RBFOX1: variants seen among roughly 807,000 people sequenced by gnomAD.
RBFOX1 encodes RNA binding fox-1 homolog 1.
Under a neutral mutation model 57.7 loss-of-function variants are expected in RBFOX1, and 8 were observed. The observed-to-expected ratio is 0.14, with a 90% CI of 0.08 to 0.25. The LOEUF (loss-of-function observed/expected upper bound fraction) is 0.25, where lower values mean the gene tolerates loss of function less well. RBFOX1 is among the 10% of genes least tolerant of loss of function. The pLI is 1.00. For synonymous variants in RBFOX1, 326 were observed against 222.4 expected (o/e 1.47, Z -4.15); for missense variants, 611 against 548.5 (o/e 1.11, Z -1.14).
chr16:5,837,318 A>C (rs2056492069), intron 3 of RBFOX1, among the ~76,000 whole-genome samples: 1 of 151,648 alleles, frequency 6.6e-6, no homozygotes. Context: ...ATACAGCCCC[A>C]AGGGTCCTAG....
chr16:5,556,743 G>A (rs186817691), intron 2 of RBFOX1, among the ~76,000 whole-genome samples: 104 of 152,256 alleles, frequency 6.8e-4, no homozygotes, highest in African/African-American at 2.4e-3. Context: ...TGCATGACAT[G>A]TCCCCATGGA....
At chr16:6,248,388 C>T (rs2097581887) in intron 1 of RBFOX1, among the ~76,000 whole-genome samples, 1 of 152,090 alleles carries the variant, frequency 6.6e-6, no homozygotes, top group African/African-American at 2.4e-5. Context: ...TGTATATACT[C>T]TTTGGACAGT....
chr16:6,242,378 T>A (rs76893792), intron 1 of RBFOX1, among the ~76,000 whole-genome samples: 17,125 of 151,974 alleles, frequency 0.11, 1,050 homozygotes, highest in Middle Eastern at 0.25. Flanking sequence ...TTCTTTTTTT[T>A]AAAAAAAGTC....
intron 1 of RBFOX1, among the ~76,000 whole-genome samples, chr16:5,434,481 C>G (rs981812640): frequency 1.3e-5 from 2 of 151,686 alleles, no homozygotes; most frequent in Non-Finnish European, 2.9e-5. Flanking sequence ...ACCACCATGC[C>G]CAGCTAATTT....
intron 4 of RBFOX1, among the ~76,000 whole-genome samples, chr16:7,307,141 A>T (rs1304187069): frequency 2.6e-5 from 4 of 152,190 alleles, no homozygotes; most frequent in African/African-American, 9.6e-5. Flanking sequence ...ATCAACCCAC[A>T]TTGATCTTAT....
chr16:7,464,842 G>T (rs9938528), intron 4 of RBFOX1, among the ~76,000 whole-genome samples: 2 of 150,920 alleles, frequency 1.3e-5, no homozygotes, highest in Non-Finnish European at 3.0e-5. Flanking sequence ...GACTGCAGGC[G>T]CCCGCCACCA....
intron 1 of RBFOX1, chr16:6,037,905 AT>A (rs1223424986): frequency 2.0e-5 from 3 of 152,000 alleles, no homozygotes; most frequent in Non-Finnish European, 4.4e-5. Flanking sequence ...TGTAGAATGC[AT>A]TTCAATGTGC....
At chr16:7,667,902 G>C (rs971368128) in intron 13 of RBFOX1, among the ~76,000 whole-genome samples, 2 of 152,110 alleles carry the variant, frequency 1.3e-5, no homozygotes, top group African/African-American at 4.8e-5. Flanking sequence ...TGGAACTCCT[G>C]ACCTCAAGTG....
chr16:6,777,915 G>C lies in RBFOX1; in HGVS notation c.-16+123265G>C, dbSNP rs7500688. ...CATCCATATTGAAATGACTTTTTCTGAGCTTTCCAAAATTCCAATTTCAGT... is the reference window on the plus strand; with the variant it reads ...CATCCATATTGAAATGACTTTTTCTCAGCTTTCCAAAATTCCAATTTCAGT... On this transcript the variant is annotated intron_variant, in intron 3 of 15. Transcript: ENST00000550418. Among the ~76,000 whole-genome samples the C allele has an allele frequency of 4.0e-3, 602 of 152,194 alleles. 21 individuals carry two copies. The East Asian group carries it at 0.092, about 23-fold the overall frequency.
chr16:7,059,017 T>A (rs1482011897), intron 4 of RBFOX1, among the ~76,000 whole-genome samples: 1 of 152,176 alleles, frequency 6.6e-6, no homozygotes, highest in Non-Finnish European at 1.5e-5. Flanking sequence ...AATATTTAAT[T>A]TGCCAGTTAC....
intron 3 of RBFOX1, among the ~76,000 whole-genome samples, chr16:5,839,347 C>T (rs2056554340): frequency 6.6e-6 from 1 of 152,110 alleles, no homozygotes; most frequent in Non-Finnish European, 1.5e-5. Flanking sequence ...CTGATAGTTT[C>T]ATTTGGGACC....
chr16:6,079,457 G>A (rs1318863578), intron 1 of RBFOX1, among the ~76,000 whole-genome samples: 1 of 152,186 alleles, frequency 6.6e-6, no homozygotes, highest in Admixed American at 6.5e-5. Flanking sequence ...GACCACATGT[G>A]TGTGCCACCA....
At chr16:6,900,150 G>GGTA (rs2068089334) in intron 3 of RBFOX1, among the ~76,000 whole-genome samples, 1 of 152,148 alleles carries the variant, frequency 6.6e-6, no homozygotes, top group African/African-American at 2.4e-5. Flanking sequence ...TGGTGGTGGT[G>GGTA]GTGGTGGTAT....
intron 3 of RBFOX1, among the ~76,000 whole-genome samples, chr16:6,864,810 T>A (rs371508224): frequency 1.3e-5 from 2 of 151,958 alleles, no homozygotes; most frequent in African/African-American, 4.8e-5. Flanking sequence ...GAGAGACATA[T>A]GCTACTTGGG....
chr16:6,672,572 A>G (rs1429776887), intron 3 of RBFOX1, among the ~76,000 whole-genome samples: 2 of 152,138 alleles, frequency 1.3e-5, no homozygotes, highest in African/African-American at 2.4e-5. Flanking sequence ...GAAAGAGAAG[A>G]AATTCTGTTT....
At chr16:6,868,270 C>G (rs1362578798) in intron 3 of RBFOX1, among the ~76,000 whole-genome samples, 1 of 151,964 alleles carries the variant, frequency 6.6e-6, no homozygotes, top group Non-Finnish European at 1.5e-5. Context: ...CAGGAAGTGG[C>G]TTATAAGAAG....
intron 3 of RBFOX1, among the ~76,000 whole-genome samples, chr16:6,962,297 T>G (rs950315458): frequency 6.6e-6 from 1 of 152,158 alleles, no homozygotes; most frequent in African/African-American, 2.4e-5. Context: ...CACCCTAAAT[T>G]CAGGACAATC....
intron 5 of RBFOX1, among the ~76,000 whole-genome samples, chr16:7,527,578 A>G (rs914235820): frequency 1.3e-5 from 2 of 152,198 alleles, no homozygotes; most frequent in African/African-American, 4.8e-5. Flanking sequence ...GAAGCAGAGT[A>G]GAATCTAGGT....
intron 3 of RBFOX1, among the ~76,000 whole-genome samples, chr16:6,764,791 G>A (rs977060618): frequency 6.6e-6 from 1 of 151,984 alleles, no homozygotes; most frequent in Non-Finnish European, 1.5e-5. Flanking sequence ...ATAAAAATTA[G>A]CTAGGCATGG....
Sources: allele counts gnomAD v4.1 joint callset (sites outside exome capture counted in the v4.1 genomes callset), GRCh38; gene constraint gnomAD v4.1.1; transcripts MANE v1.5; gene names NCBI Gene and HGNC (gene_info 2026-07-23, HGNC 2026-07-21).